Variants in CTIF observed in about 807,000 individuals in gnomAD.
CTIF encodes the protein CBP80/20-dependent translation initiation factor.
CTIF carries 21 observed loss-of-function variants against 66.0 expected under a neutral mutation model. The ratio of observed to expected loss-of-function variants is 0.32; its 90% CI spans 0.23 to 0.46. The LOEUF is 0.46. Among genes scored for constraint, CTIF ranks in the 20% least tolerant of loss-of-function variants. The pLI is 1.00. For missense variants in CTIF, 739 were observed against 812.7 expected, an observed-to-expected ratio of 0.91 and a Z score of 1.10; for synonymous variants, 345 against 326.4, an observed-to-expected ratio of 1.06 and a Z score of -0.62.
intron 9 of CTIF, among the ~76,000 whole-genome samples, chr18:48,775,638 G>T (rs55855337): frequency 0.04 from 6,113 of 152,360 alleles, 148 homozygotes; most frequent in Middle Eastern, 0.068. Context: ...ACACATAAAG[G>T]GGGGCAGGGC....
intron 3 of CTIF, among the ~76,000 whole-genome samples, chr18:48,642,211 G>C (rs115248703): frequency 0.014 from 2,167 of 152,128 alleles, 55 homozygotes; most frequent in African/African-American, 0.05. Flanking sequence ...CAGTTTGTAG[G>C]GTAAAAACTA....
chr18:48,780,502 CTG>C (rs1187378085), intron 9 of CTIF, among the ~76,000 whole-genome samples: 2 of 152,176 alleles, frequency 1.3e-5, no homozygotes, highest in Non-Finnish European at 2.9e-5. Flanking sequence ...TGGAGGGAGA[CTG>C]TGGGAGGGTG....
intron 5 of CTIF, among the ~76,000 whole-genome samples, chr18:48,669,906 T>A (rs1200339766): frequency 2.1e-5 from 3 of 146,112 alleles, no homozygotes; most frequent in Non-Finnish European, 4.5e-5. Context: ...TCTAAGCATC[T>A]AAGCACTCCA....
chr18:48,685,561 C>T (rs977990244), intron 6 of CTIF, among the ~76,000 whole-genome samples: 5 of 152,090 alleles, frequency 3.3e-5, no homozygotes, highest in African/African-American at 1.2e-4. Context: ...ACAGAAATGG[C>T]GCTGTGTCCC....
chr18:48,823,976 CCACACACACACA>C (rs35554666), intron 10 of CTIF, among the ~76,000 whole-genome samples: 27 of 124,216 alleles, frequency 2.2e-4, no homozygotes, highest in African/African-American at 5.7e-4. Context: ...CCTAAAGACT[CCACACACACACA>C]CACACACACA....
rs75803066 is a variant in CTIF, at chr18:48,640,186, G to A, written c.252+3501G>A. Among the ~76,000 whole-genome samples, 1,420 of 152,248 alleles carry A rather than the reference G, an allele frequency of 9.3e-3. 12 individuals are homozygous for A. Among genetic ancestry groups the A allele is most frequent in the African/African-American group, 0.031 (1,272 of 41,566 alleles). On this transcript the variant is annotated intron_variant, in intron 3 of 11. Coordinates refer to ENST00000256413, the MANE Select transcript of CTIF (RefSeq NM_014772.3). ...GCAAGAGCACAGGACCAGCTCTCGGGGACACCACCCATGAGCACCCCGGCT... is the reference window on the plus strand; with the variant it reads ...GCAAGAGCACAGGACCAGCTCTCGGAGACACCACCCATGAGCACCCCGGCT...
At chr18:48,549,575 G>T (rs2088835229) in intron 1 of CTIF, among the ~76,000 whole-genome samples, 3 of 152,180 alleles carry the variant, frequency 2.0e-5, no homozygotes, top group Non-Finnish European at 2.9e-5. Flanking sequence ...GTCCCCTTAT[G>T]GTCATAGCAT....
At chr18:48,609,434 A>T (rs1280066591) in intron 1 of CTIF, among the ~76,000 whole-genome samples, 1 of 152,244 alleles carries the variant, frequency 6.6e-6, no homozygotes, top group Non-Finnish European at 1.5e-5. Context: ...GACAATTGCA[A>T]CTGATAATTG....
chr18:48,784,137 C>T (rs1911498225), intron 9 of CTIF, among the ~76,000 whole-genome samples: 1 of 152,222 alleles, frequency 6.6e-6, no homozygotes, highest in Non-Finnish European at 1.5e-5. Flanking sequence ...GTGGGGAATG[C>T]AGACAGTACC....
At chr18:48,590,826 C>T (rs932441797) in intron 1 of CTIF, among the ~76,000 whole-genome samples, 3 of 152,176 alleles carry the variant, frequency 2.0e-5, no homozygotes, top group African/African-American at 7.2e-5. Flanking sequence ...ACCCCGCCCC[C>T]ACCACTGAGA....
chr18:48,834,842 G>A (rs762433483), intron 10 of CTIF: 4 of 152,708 alleles, frequency 2.6e-5, no homozygotes, highest in South Asian at 2.1e-4. Flanking sequence ...TGTGTCCCCC[G>A]GAGCCCGAGA....
chr18:48,726,714 T>G (rs990524130), intron 7 of CTIF, among the ~76,000 whole-genome samples: 8 of 152,084 alleles, frequency 5.3e-5, no homozygotes, highest in Non-Finnish European at 1.2e-4. Context: ...AACCTAATCT[T>G]GGAAGTGACA....
chr18:48,556,442 G>A (rs750061686), intron 1 of CTIF, among the ~76,000 whole-genome samples: 8 of 152,146 alleles, frequency 5.3e-5, no homozygotes, highest in Middle Eastern at 3.2e-3. Flanking sequence ...CAGGCACCCC[G>A]CCCCAAGAAT....
intron 1 of CTIF, among the ~76,000 whole-genome samples, chr18:48,586,477 G>A (rs2089771583): frequency 6.6e-6 from 1 of 151,738 alleles, no homozygotes; most frequent in Non-Finnish European, 1.5e-5. Context: ...CACCATGTTG[G>A]CCAGGCTGGT....
chr18:48,723,337 A>G (rs1050083338), intron 7 of CTIF, among the ~76,000 whole-genome samples: 1 of 128,742 alleles, frequency 7.8e-6, no homozygotes, highest in African/African-American at 2.5e-5. Context: ...ATTCAAAGGG[A>G]TGAATGAATG....
In CTIF at chr18:48,783,537, AG is replaced by A. The variant is rs527830754; in HGVS notation, c.1371+21850del. On this transcript the variant is annotated intron_variant, in intron 9 of 11. Transcript: ENST00000256413. ...TGGATACCCAGCTCTCCTGGCACTG[AG>A]GAGCCCGGGGATAAGAGGAACTGTT... is the stretch of plus-strand genomic sequence containing the variant. 6.2e-4 allele frequency among the ~76,000 whole-genome samples: 95 copies of A among 152,270 alleles called. No homozygotes were observed. In the Middle Eastern group the frequency reaches 0.01, roughly 16 times the overall value.
intron 10 of CTIF, among the ~76,000 whole-genome samples, chr18:48,831,777 C>T (rs1333854506): frequency 1.3e-5 from 2 of 152,194 alleles, no homozygotes; most frequent in African/African-American, 4.8e-5. Context: ...ACCATTTTAA[C>T]GTGTAATCAA....
At chr18:48,608,259 G>C (rs1030259575) in intron 1 of CTIF, among the ~76,000 whole-genome samples, 1 of 152,218 alleles carries the variant, frequency 6.6e-6, no homozygotes, top group Non-Finnish European at 1.5e-5. Flanking sequence ...AGCGCAAGAA[G>C]GTGGGCCAGT....
chr18:48,539,715 G>A (rs2088559928), intron 1 of CTIF: 1 of 152,698 alleles, frequency 6.5e-6, no homozygotes, highest in Non-Finnish European at 1.5e-5. Flanking sequence ...GACCTGGGAG[G>A]AGGAAAAGAG....
Sources: gnomAD v4.1 joint callset for allele counts (sites outside exome capture counted in the v4.1 genomes callset) on GRCh38, gnomAD v4.1.1 for gene constraint, MANE v1.5 for transcripts, NCBI Gene and HGNC (gene_info 2026-07-23, HGNC 2026-07-21) for gene names.